IL1RAPL1: variants seen among roughly 807,000 people sequenced by gnomAD.
The protein encoded by IL1RAPL1 is interleukin 1 receptor accessory protein like 1, also known as interleukin-1 receptor accessory protein-like 1.
A neutral mutation model predicts 48.4 loss-of-function variants in IL1RAPL1; 3 were observed. The observed-to-expected ratio is 0.06, with a 90% confidence interval of 0.03 to 0.16. IL1RAPL1 has a LOEUF of 0.16. Ranked by LOEUF, IL1RAPL1 falls within the 10% of genes least tolerant of loss-of-function variation. IL1RAPL1 has a pLI of 1.00. For synonymous variants in IL1RAPL1, 185 were observed against 187.7 expected, an observed-to-expected ratio of 0.99 and a Z score of 0.12; for missense variants, 349 against 530.6, an observed-to-expected ratio of 0.66 and a Z score of 3.36.
intron 5 of IL1RAPL1, among the ~76,000 whole-genome samples, chrX:29,661,995 C>A (rs182592257): frequency 2.7e-5 from 3 of 111,271 alleles, no homozygotes; most frequent in Admixed American, 9.6e-5. Context: ...ACTTGAACAC[C>A]AAAATGCCAG....
rs191742825 is a variant in IL1RAPL1 at position 29,121,193 on chromosome X, C to A, written c.83-161745C>A. On this transcript the variant is annotated intron_variant, in intron 2 of 10. Transcript: ENST00000378993. Reference sequence around the variant, plus strand: ...GATCAGGAACAAGACAAGGATGACTCCACTCACCACTGCTTTTCAACATCA... The same window carrying A: ...GATCAGGAACAAGACAAGGATGACTACACTCACCACTGCTTTTCAACATCA... Among the ~76,000 whole-genome samples the A allele has an allele frequency of 4.0e-3, 449 of 111,823 alleles. 3 individuals are homozygous for A. The highest frequency in any genetic ancestry group is 7.1e-3 in the Non-Finnish European group (376 of 53,095).
intron 3 of IL1RAPL1, among the ~76,000 whole-genome samples, chrX:29,344,190 A>G (rs1400365627): frequency 1.8e-5 from 2 of 112,410 alleles, no homozygotes; most frequent in African/African-American, 6.5e-5. Flanking sequence ...TTAGTCTTTT[A>G]TGGTTGGGTG....
At chrX:28,882,584 G>A (rs1018747669) in intron 2 of IL1RAPL1, among the ~76,000 whole-genome samples, 2 of 111,621 alleles carry the variant, frequency 1.8e-5, no homozygotes, top group Non-Finnish European at 1.9e-5. Context: ...TGGAGGTTGC[G>A]GTGAGCCAAA....
At position 29,919,974 on chromosome X, in the gene IL1RAPL1, C is replaced by G; in HGVS notation, c.937C>G (p.Gln313Glu). 8.3e-7 allele frequency: 1 copy of G among 1,210,721 alleles called. No homozygotes were observed. The highest frequency in any genetic ancestry group is 1.1e-6 in the Non-Finnish European group (1 of 894,723). ...IRILKEHLGE[Q>E]EVSISLIVDS... Reference sequence around the variant, plus strand: ...AATTCTTAAGGAGCATCTTGGGGAACAGGAAGTTTCCATCTCATTAATTGT... The same window carrying G: ...AATTCTTAAGGAGCATCTTGGGGAAGAGGAAGTTTCCATCTCATTAATTGT... Residue 313 changes from glutamine (Q) to glutamate (E), a missense_variant, in exon 8 of 11, where the codon CAG becomes GAG. By Grantham distance (29) the Gln-to-Glu change is conservative (BLOSUM62 2). Coordinates refer to ENST00000378993, the MANE Select transcript of IL1RAPL1 (RefSeq NM_014271.4).
intron 1 of IL1RAPL1, among the ~76,000 whole-genome samples, chrX:28,690,583 C>T (rs149670969): frequency 1.8e-5 from 2 of 111,094 alleles, no homozygotes; most frequent in African/African-American, 6.6e-5. Context: ...CTACTCTAAA[C>T]TATAGGACCG....
intron 6 of IL1RAPL1, among the ~76,000 whole-genome samples, chrX:29,890,943 G>A (rs150851070): frequency 0.012 from 1,353 of 112,009 alleles, 20 homozygotes; most frequent in African/African-American, 0.041. Context: ...AAAACCCAGA[G>A]GTTCCCAAAC....
chrX:28,589,916 A>C (rs142888667), intron 1 of IL1RAPL1, among the ~76,000 whole-genome samples: 1 of 112,121 alleles, frequency 8.9e-6, no homozygotes, highest in African/African-American at 3.2e-5. Flanking sequence ...CACTGGATTC[A>C]TTATTAACAC....
At chrX:29,431,801 A>G (rs1018040553) in intron 5 of IL1RAPL1, among the ~76,000 whole-genome samples, 5 of 111,431 alleles carry the variant, frequency 4.5e-5, no homozygotes, top group African/African-American at 1.6e-4. Context: ...TCTTCCTAAT[A>G]AGAAATATTA....
intron 6 of IL1RAPL1, among the ~76,000 whole-genome samples, chrX:29,791,144 C>G (rs752240052): frequency 9.1e-6 from 1 of 110,482 alleles, no homozygotes; most frequent in Admixed American, 9.8e-5. Context: ...TCTCTTAAAT[C>G]TCTCTATTCT....
At chrX:29,407,736 G>A (rs900333583) in intron 5 of IL1RAPL1, among the ~76,000 whole-genome samples, 74 of 111,520 alleles carry the variant, frequency 6.6e-4, no homozygotes, top group Non-Finnish European at 6.8e-4. Context: ...TTGGGTCATG[G>A]GCGTATCCTA....
intron 5 of IL1RAPL1, among the ~76,000 whole-genome samples, chrX:29,516,566 C>CTTAGTA (rs58733430): frequency 0.42 from 45,836 of 109,167 alleles, 7,158 homozygotes; most frequent in East Asian, 0.69. Context: ...ATTTTTTTTA[C>CTTAGTA]TTATTTCACA....
chrX:29,395,559 A>G (rs920047131), intron 3 of IL1RAPL1, among the ~76,000 whole-genome samples: 2 of 111,946 alleles, frequency 1.8e-5, no homozygotes, highest in African/African-American at 6.5e-5. Context: ...TGCTTATTTA[A>G]TGACCCAATT....
chrX:29,212,084 C>T (rs185176449), intron 2 of IL1RAPL1, among the ~76,000 whole-genome samples: 246 of 111,522 alleles, frequency 2.2e-3, no homozygotes, highest in Non-Finnish European at 3.7e-3. Context: ...CCTGTCCCCC[C>T]GCAAAGCCTG....
chrX:28,704,833 A>ACACACAC (rs1569155058), intron 1 of IL1RAPL1, among the ~76,000 whole-genome samples: 1 of 83,005 alleles, frequency 1.2e-5, no homozygotes, highest in African/African-American at 4.6e-5. Flanking sequence ...CACACACACA[A>ACACACAC]AAAAAAAAAA....
chrX:28,633,561 T>C (rs749351930), intron 1 of IL1RAPL1, among the ~76,000 whole-genome samples: 1 of 112,546 alleles, frequency 8.9e-6, no homozygotes, highest in Admixed American at 9.4e-5. Flanking sequence ...TACTTCTTCA[T>C]TGTCCACAAT....
At chrX:29,440,058 T>G (rs764617848) in intron 5 of IL1RAPL1, among the ~76,000 whole-genome samples, 1 of 107,700 alleles carries the variant, frequency 9.3e-6, no homozygotes, top group African/African-American at 3.4e-5. Context: ...TGTCATCAAT[T>G]TTTGGAAATA....
intron 5 of IL1RAPL1, among the ~76,000 whole-genome samples, chrX:29,547,092 C>T (rs964924533): frequency 9.0e-6 from 1 of 111,678 alleles, no homozygotes; most frequent in Non-Finnish European, 1.9e-5. Flanking sequence ...AGCATTTGCC[C>T]TTTTCATTTT....
At chrX:29,129,881 A>G (rs191255327) in intron 2 of IL1RAPL1, among the ~76,000 whole-genome samples, 17 of 111,631 alleles carry the variant, frequency 1.5e-4, no homozygotes, top group African/African-American at 4.2e-4. Flanking sequence ...GGCGTGAGCC[A>G]CTGCGCCCGG....
Position 29,955,800 on chromosome X carries a change from A to G in IL1RAPL1, c.2071A>G (p.Ile691Val), listed in dbSNP as rs1933408855. 2 of 1,209,348 alleles carry G rather than the reference A, an allele frequency of 1.7e-6. No homozygotes were observed. The highest frequency in any genetic ancestry group is 2.2e-6 in the Non-Finnish European group (2 of 893,628). ...GCCGCTGTTGCCAAGGGAGACCAGTATATCCAGTGTGATATGGTGACAGAA... is the reference window on the plus strand; with the variant it reads ...GCCGCTGTTGCCAAGGGAGACCAGTGTATCCAGTGTGATATGGTGACAGAA... Reference protein sequence around the residue: ...ILPLLPRETSISSVIW With the variant: ...ILPLLPRETSVSSVIW Residue 691 changes from isoleucine to valine, a missense_variant, in exon 11 of 11, where the codon ATA (isoleucine) becomes GTA (valine). By Grantham distance (29) the Ile-to-Val change is conservative. Around this residue, in one of 3 missense-constraint regions of IL1RAPL1, gnomAD observed 65 missense variants for 79.6 expected, o/e 0.82. Transcript: ENST00000378993.
Sources: gnomAD v4.1 joint callset for allele counts (sites outside exome capture counted in the v4.1 genomes callset) on GRCh38, gnomAD v4.1.1 for gene constraint, gnomAD v4.1.1 regional missense constraint, MANE v1.5 for transcripts, NCBI Gene and HGNC (gene_info 2026-07-23, HGNC 2026-07-21) for gene names.